The following ANKS3 variants were observed in gnomAD, a reference collection of about 807,000 sequenced individuals.
ANKS3 encodes the protein ankyrin repeat and sterile alpha motif domain containing 3.
Under a neutral mutation model 80.7 loss-of-function variants are expected in ANKS3, and 62 were observed. The observed-to-expected ratio is 0.77, with a 90% CI of 0.63 to 0.95. The LOEUF (loss-of-function observed/expected upper bound fraction) is 0.95. ANKS3 is among the 40% of genes least tolerant of loss of function. The probability of loss-of-function intolerance (pLI) is 0.00; values close to 1 mark genes in which losing one functional copy is unlikely to be tolerated. For synonymous variants in ANKS3, 489 were observed against 355.3 expected, an observed-to-expected ratio of 1.38 and a Z score of -4.23; for missense variants, 1,150 against 883.6, an observed-to-expected ratio of 1.30 and a Z score of -3.82.
At chr16:4,716,894 G>A (rs950251323) in intron 6 of ANKS3, among the ~76,000 whole-genome samples, 3 of 150,982 alleles carry the variant, frequency 2.0e-5, no homozygotes, top group African/African-American at 4.9e-5. Flanking sequence ...CAGCCTCGAC[G>A]ACAGACTGAG....
rs2079579243 is a variant in ANKS3, at chr16:4,696,876, C to CCAAT, written c.*28_*31dup. ...CCCTGGCACACAGCTTCAGGGTGGA[C>CCAAT]CAATCACCCAACGTCAGATTCTGAA... On this transcript the variant is annotated 3_prime_UTR_variant, in exon 18 of 18. Transcript: ENST00000304283. The CCAAT allele has an allele frequency of 1.3e-6, 1 of 768,928 alleles. No individual in the cohort carries two copies. The highest frequency in any genetic ancestry group is 1.7e-5 in the African/African-American group (1 of 58,310). The allele number at this position is 768,928 out of a possible 1,614,324, so 47.6% of individuals were successfully genotyped here. A position where few individuals can be genotyped will look rare whatever the true frequency, so the allele number is the denominator to read the frequency against.
At chr16:4,725,041 G>C in intron 5 of ANKS3, 1 of 436,284 alleles carries the variant, frequency 2.3e-6, no homozygotes, top group Non-Finnish European at 4.1e-6. Context: ...CCCAGGGCTG[G>C]TCTTTGTCCT....
chr16:4,703,310 T>C (rs1205934807), intron 8 of ANKS3, among the ~76,000 whole-genome samples: 1 of 152,160 alleles, frequency 6.6e-6, no homozygotes, highest in Non-Finnish European at 1.5e-5. Context: ...GATAGGGTCT[T>C]GCTACATTGC....
intron 3 of ANKS3, among the ~76,000 whole-genome samples, chr16:4,728,861 C>T (rs746063056): frequency 2.0e-5 from 3 of 152,140 alleles, no homozygotes; most frequent in African/African-American, 2.4e-5. Flanking sequence ...GTGGAGGGAG[C>T]GCAACAGACC....
chr16:4,702,430 G>A (rs1181375868), intron 8 of ANKS3, among the ~76,000 whole-genome samples, 188 bp from the exon 9 acceptor site: 3 of 152,232 alleles, frequency 2.0e-5, no homozygotes, highest in Non-Finnish European at 4.4e-5. Flanking sequence ...AGTGGCCCAA[G>A]CAAGTGCCTG....
At chr16:4,697,562 C>T (rs1019182731) in intron 15 of ANKS3, 146 bp from the exon 16 acceptor site, 6 of 659,800 alleles carry the variant, frequency 9.1e-6, no homozygotes, top group South Asian at 4.3e-5. Context: ...CTCCCAAGGC[C>T]GAGGCAGGGA....
chr16:4,697,987 G>T lies in ANKS3; in HGVS notation c.1800C>A (p.Val600=), dbSNP rs762630154. ...PPGAATLGLA[V]PPADSKGWQA... ...GGCCACTGCTCTTACCAGCTGGGGG[G>T]ACGGCTAGGCCCAGAGTGGCTGCAC... The change falls in exon 15 of 18, where the codon GTC becomes GTA. Residue 600 remains valine, a synonymous_variant. Coordinates refer to ENST00000304283, the MANE Select transcript of ANKS3 (RefSeq NM_133450.4). The T allele has an allele frequency of 1.1e-5, 17 of 1,595,032 alleles. No homozygotes were observed. Among genetic ancestry groups the T allele is most frequent in the African/African-American group, 2.7e-5 (2 of 74,600 alleles).
chr16:4,718,059 G>C (rs2080894551), intron 6 of ANKS3, among the ~76,000 whole-genome samples: 1 of 150,838 alleles, frequency 6.6e-6, no homozygotes, highest in Non-Finnish European at 1.5e-5. Context: ...ACAGGCATGA[G>C]CCACCATGCC....
intron 12 of ANKS3, 54 bp from the exon 13 acceptor site, chr16:4,698,995 G>T: frequency 6.2e-7 from 1 of 1,613,980 alleles, no homozygotes; most frequent in South Asian, 1.1e-5. Context: ...GCGCTTACAT[G>T]AGTGGGAGTT....
At chr16:4,704,476 G>C (rs1235673887) in intron 8 of ANKS3, among the ~76,000 whole-genome samples, 2 of 152,134 alleles carry the variant, frequency 1.3e-5, no homozygotes, top group African/African-American at 4.8e-5. Flanking sequence ...ATAGAGAGTA[G>C]GCACCAAACC....
chr16:4,698,461 C>A lies in ANKS3; in HGVS notation c.1690G>T (p.Ala564Ser). The A allele has an allele frequency of 6.5e-7, 1 of 1,542,002 alleles. No individual in the cohort carries two copies. The highest frequency in any genetic ancestry group is 2.4e-5 in the East Asian group (1 of 41,996). The change falls in exon 14 of 18, where the codon GCC becomes TCC. Residue 564 changes from alanine (A) to serine (S), a missense_variant. Coordinates refer to ENST00000304283, the MANE Select transcript of ANKS3 (RefSeq NM_133450.4). ...QARLRETWAL[A>S]RDAALVLDQL... ...TCCAGGACGAGGGCAGCATCCCGGG[C>A]CAGGGCCCACGTCTCCCGCAGCCGG...
At chr16:4,699,206 G>A in intron 11 of ANKS3, 30 bp from the exon 12 acceptor site, 1 of 1,611,800 alleles carries the variant, frequency 6.2e-7, no homozygotes, top group Non-Finnish European at 8.5e-7. Flanking sequence ...GGTTGGGGGA[G>A]GTAGTGGCTG....
chr16:4,704,242 G>C (rs537172937), intron 8 of ANKS3, among the ~76,000 whole-genome samples: 1 of 152,180 alleles, frequency 6.6e-6, no homozygotes, highest in South Asian at 2.1e-4. Flanking sequence ...ACATCTGCTT[G>C]TTCCTGGGGT....
At chr16:4,697,244 GAC>G (rs2079612279) in intron 16 of ANKS3, 87 bp downstream of exon 16, 4 of 1,542,460 alleles carry the variant, frequency 2.6e-6, no homozygotes, top group Non-Finnish European at 3.6e-6. Flanking sequence ...GGGGTAGAGA[GAC>G]ACAAACCCGC....
intron 5 of ANKS3, 149 bp from the exon 6 acceptor site, chr16:4,724,980 G>A (rs2081283860): frequency 1.6e-6 from 1 of 622,726 alleles, no homozygotes; most frequent in Non-Finnish European, 2.9e-6. Context: ...CAGGTGACAT[G>A]AGAACAGTGA....
In ANKS3 at chr16:4,731,500, C is replaced by T. The variant is rs911675060; in HGVS notation, c.-3+12G>A. On this transcript the variant is annotated intron_variant, in intron 2 of 17. Coordinates refer to ENST00000304283, the MANE Select transcript of ANKS3 (RefSeq NM_133450.4). ...TTCACCATGTTGGCCAGGCTGGTCTCGAACTCCTCACCTCAGGTGATCCGC... is the reference window on the plus strand; with the variant it reads ...TTCACCATGTTGGCCAGGCTGGTCTTGAACTCCTCACCTCAGGTGATCCGC... 3 of 360,646 alleles carry T rather than the reference C, an allele frequency of 8.3e-6. No homozygotes were observed. The highest frequency in any genetic ancestry group is 1.2e-5 in the Non-Finnish European group (3 of 258,954). 22.3% of individuals were successfully genotyped at this position (360,646 alleles called of 1,614,324 possible).
At chr16:4,703,635 G>A (rs1261094159) in intron 8 of ANKS3, among the ~76,000 whole-genome samples, 1 of 150,984 alleles carries the variant, frequency 6.6e-6, no homozygotes, top group Admixed American at 6.6e-5. Flanking sequence ...TGGCCAGGAT[G>A]GTCTGGATCT....
In ANKS3 at chr16:4,706,931, G is replaced by C. The variant is rs1596372772; in HGVS notation, c.710-1678C>G. Among the ~76,000 whole-genome samples the C allele has an allele frequency of 2.0e-5, 3 of 152,332 alleles. No homozygotes were observed. In the South Asian group the frequency reaches 6.2e-4, roughly 32 times the overall value. On this transcript the variant is annotated intron_variant, in intron 7 of 17. Coordinates refer to ENST00000304283, the MANE Select transcript of ANKS3 (RefSeq NM_133450.4). ...ACAACTCAGGGCAGGCCAGCAAAGA[G>C]GGAGAGCTCAGGCCCTGAACGTGGG...
At position 4,698,037 on chromosome 16, in the gene ANKS3, G is replaced by C. The variant is rs747472306; in HGVS notation, c.1750C>G (p.Arg584Gly). Residue 584 changes from arginine (R) to glycine (G), a missense_variant, in exon 15 of 18, where the codon CGA (arginine) becomes GGA (glycine). Arg to Gly is a moderately radical substitution (Grantham distance 125, BLOSUM62 -2). Transcript: ENST00000304283. ...CCAGGGGGCTGGTCCTGCCTCACTC[G>C]AGATGACAGCTCAGCTTGACAGGCT... ...LRACQAELSS[R>G]VRQDQPPGAA... The C allele has an allele frequency of 6.2e-7, 1 of 1,609,704 alleles. No individual in the cohort carries two copies. The highest frequency in any genetic ancestry group is 8.5e-7 in the Non-Finnish European group (1 of 1,178,786).
Sources: gnomAD v4.1 joint callset for allele counts (sites outside exome capture counted in the v4.1 genomes callset) on GRCh38, gnomAD v4.1.1 for gene constraint, MANE v1.5 for transcripts, NCBI Gene and HGNC (gene_info 2026-07-23, HGNC 2026-07-21) for gene names.